Variants in AFG2A observed in about 807,000 individuals in gnomAD.
AFG2A encodes the protein ATPase family gene 2 protein homolog A.
At chr4:123,273,245 G>T in the AFG2A span, among the ~76,000 whole-genome samples, 1 of 151,986 alleles carries the variant, frequency 6.6e-6, no homozygotes, top group Non-Finnish European at 1.5e-5. Context: ...GGGTTTTACT[G>T]TACATTATGC....
chr4:123,297,989 G>T, the AFG2A span, among the ~76,000 whole-genome samples: 1 of 152,068 alleles, frequency 6.6e-6, no homozygotes, highest in East Asian at 1.9e-4. Flanking sequence ...CCAACAATCG[G>T]CCTGACTCAG....
the AFG2A span, chr4:123,314,046 T>G: frequency 6.2e-7 from 1 of 1,601,180 alleles, no homozygotes; most frequent in Admixed American, 1.7e-5. Context: ...AAGAGAAGAG[T>G]GGGCTGCATA....
chr4:123,273,075 G>A, the AFG2A span, among the ~76,000 whole-genome samples: 1 of 152,140 alleles, frequency 6.6e-6, no homozygotes, highest in Non-Finnish European at 1.5e-5. Context: ...TCAGAAAGAA[G>A]TAAGAATGAT....
At chr4:123,265,061 T>G in the AFG2A span, among the ~76,000 whole-genome samples, 1 of 152,088 alleles carries the variant, frequency 6.6e-6, no homozygotes, top group Non-Finnish European at 1.5e-5. Flanking sequence ...GGACCTTAAA[T>G]GACTCTGACA....
the AFG2A span, among the ~76,000 whole-genome samples, chr4:123,303,144 A>G: frequency 6.1e-3 from 930 of 152,322 alleles, 9 homozygotes; most frequent in African/African-American, 0.021. Context: ...TTATTATTCA[A>G]TTAAAGTTAG....
chr4:122,926,782 T>C, the AFG2A span, among the ~76,000 whole-genome samples: 1 of 152,362 alleles, frequency 6.6e-6, no homozygotes, highest in South Asian at 2.1e-4. Context: ...CATTGTATAC[T>C]TATTTACTAC....
the AFG2A span, among the ~76,000 whole-genome samples, chr4:123,255,810 G>A: frequency 4.4e-4 from 62 of 139,390 alleles, no homozygotes; most frequent in African/African-American, 1.5e-3. Context: ...GTGAGCCACC[G>A]CGCCCAGCCT....
the AFG2A span, among the ~76,000 whole-genome samples, chr4:123,261,692 A>G: frequency 3.9e-5 from 6 of 152,082 alleles, no homozygotes; most frequent in Non-Finnish European, 7.4e-5. Flanking sequence ...TTAAACCATA[A>G]TGACCACCCC....
the AFG2A span, among the ~76,000 whole-genome samples, chr4:122,949,813 G>A: frequency 6.6e-6 from 1 of 152,314 alleles, no homozygotes; most frequent in East Asian, 1.9e-4. Flanking sequence ...CCTTGCACAA[G>A]GGAGGACTAG....
chr4:123,017,058 C>T, the AFG2A span, among the ~76,000 whole-genome samples: 873 of 151,954 alleles, frequency 5.7e-3, 5 homozygotes, highest in Middle Eastern at 0.034. Flanking sequence ...CTGCAGTGAG[C>T]CGAGATGGCA....
At chr4:123,228,347 G>T in the AFG2A span, among the ~76,000 whole-genome samples, 15,228 of 151,926 alleles carry the variant, frequency 0.1, 860 homozygotes, top group Middle Eastern at 0.17. Context: ...TGTTTTTGCA[G>T]TGGCTGGTAC....
At chr4:123,298,357 G>A in the AFG2A span, among the ~76,000 whole-genome samples, 291 of 152,268 alleles carry the variant, frequency 1.9e-3, 1 homozygote, top group African/African-American at 6.6e-3. Context: ...TCATCGAGAC[G>A]GAATCCCGAT....
chr4:123,105,784 A>G, the AFG2A span, among the ~76,000 whole-genome samples: 1 of 152,224 alleles, frequency 6.6e-6, no homozygotes, highest in African/African-American at 2.4e-5. Flanking sequence ...AATCTCATGA[A>G]CAAATTAGAA....
At chr4:123,280,599 T>G in the AFG2A span, among the ~76,000 whole-genome samples, 3 of 152,218 alleles carry the variant, frequency 2.0e-5, no homozygotes, top group African/African-American at 7.2e-5. Context: ...CCTGCATTCC[T>G]TGGTTCATGG....
the AFG2A span, among the ~76,000 whole-genome samples, chr4:123,011,281 C>T: frequency 6.6e-6 from 1 of 152,240 alleles, no homozygotes; most frequent in Non-Finnish European, 1.5e-5. Context: ...TGGAACATCC[C>T]TTCAGCCAGT....
chr4:122,983,801 A>T, the AFG2A span, among the ~76,000 whole-genome samples: 1 of 152,218 alleles, frequency 6.6e-6, no homozygotes, highest in Non-Finnish European at 1.5e-5. Context: ...GGTTCACATC[A>T]CAGGACTCTG....
At chr4:123,098,965 A>G in the AFG2A span, among the ~76,000 whole-genome samples, 1 of 151,922 alleles carries the variant, frequency 6.6e-6, no homozygotes, top group Non-Finnish European at 1.5e-5. Flanking sequence ...ATCTGAAGTA[A>G]TTTATGTTCC....
the AFG2A span, among the ~76,000 whole-genome samples, chr4:123,140,510 T>TTTA: frequency 6.6e-6 from 1 of 150,542 alleles, no homozygotes. Flanking sequence ...TTTTTTTTTT[T>TTTA]AAAAAAGCGA....
At chr4:123,167,712 A>G in the AFG2A span, among the ~76,000 whole-genome samples, 25 of 152,336 alleles carry the variant, frequency 1.6e-4, no homozygotes, top group East Asian at 5.8e-4. Flanking sequence ...TCAAACTTCT[A>G]TGAATATACC....
Sources: allele counts gnomAD v4.1 joint callset (sites outside exome capture counted in the v4.1 genomes callset), GRCh38; gene constraint gnomAD v4.1.1; transcripts MANE v1.5; gene names NCBI Gene and HGNC (gene_info 2026-07-23, HGNC 2026-07-21).